The following ZFHX3 variants were observed in gnomAD, a reference collection of about 807,000 sequenced individuals.
ZFHX3 encodes the protein zinc finger homeobox protein 3.
A neutral mutation model predicts 279.1 loss-of-function variants in ZFHX3; 42 were observed. The observed-to-expected ratio is 0.15, with a 90% CI of 0.12 to 0.19. ZFHX3 has a LOEUF of 0.19. Among genes scored for constraint, ZFHX3 ranks in the 10% least tolerant of loss-of-function variants. The probability of loss-of-function intolerance (pLI) is 1.00; values close to 1 mark genes in which losing one functional copy is unlikely to be tolerated. For missense variants in ZFHX3, 4,981 were observed against 4,754.0 expected, an observed-to-expected ratio of 1.05 and a Z score of -1.40; for synonymous variants, 2,293 against 1,957.8, an observed-to-expected ratio of 1.17 and a Z score of -4.52.
intron 1 of ZFHX3, among the ~76,000 whole-genome samples, chr16:73,022,994 G>A (rs1410418995): frequency 4.6e-5 from 7 of 152,164 alleles, no homozygotes; most frequent in South Asian, 2.1e-4. Flanking sequence ...CTGGAAGGCC[G>A]AGGCGGGCAG....
At chr16:72,826,757 C>G (rs2036942526) in intron 5 of ZFHX3, among the ~76,000 whole-genome samples, 1 of 152,188 alleles carries the variant, frequency 6.6e-6, no homozygotes, top group Non-Finnish European at 1.5e-5. Flanking sequence ...ATCACTCATT[C>G]ATTCATTTTC....
chr16:73,637,230 CTTTTT>C (rs1215790905), intron 2 of ZFHX3, among the ~76,000 whole-genome samples: 2 of 121,694 alleles, frequency 1.6e-5, no homozygotes, highest in Non-Finnish European at 3.5e-5. Flanking sequence ...TTTTTTTGTT[CTTTTT>C]TTTTTTTTTT....
chr16:73,436,785 G>A (rs2018007385), intron 3 of ZFHX3, among the ~76,000 whole-genome samples: 1 of 151,582 alleles, frequency 6.6e-6, no homozygotes, highest in Non-Finnish European at 1.5e-5. Flanking sequence ...GGTGGGGTGG[G>A]GAATGGCTTC....
chr16:73,703,961 G>A (rs1017533137), intron 1 of ZFHX3, among the ~76,000 whole-genome samples: 5 of 152,198 alleles, frequency 3.3e-5, no homozygotes, highest in South Asian at 2.1e-4. Context: ...CTCTCATCAC[G>A]CCCACCTATA....
At chr16:73,245,426 C>T (rs1319359082) in intron 5 of ZFHX3, among the ~76,000 whole-genome samples, 2 of 152,166 alleles carry the variant, frequency 1.3e-5, no homozygotes, top group African/African-American at 2.4e-5. Context: ...TGAACCACTG[C>T]ATGGGGCCCA....
Position 72,795,094 on chromosome 16 carries a change from A to G in ZFHX3, c.7588T>C (p.Tyr2530His). The change falls in exon 9 of 10, where the codon TAC (tyrosine) becomes CAC (histidine). Residue 2530 changes from tyrosine (Y) to histidine (H), a missense_variant. Around this residue, in one of 7 missense-constraint regions of ZFHX3, gnomAD observed 744 missense variants for 701.3 expected, o/e 1.06. Coordinates refer to ENST00000268489, the MANE Select transcript of ZFHX3 (RefSeq NM_006885.4). ...GCCAACTTACACTGGTCACACTGGT[A>G]GGGGATTAGCTGAGGAGGTAGGTTT... Reference protein sequence around the residue: ...LANLPPQLIPYQCDQCKLAFP... With the variant: ...LANLPPQLIPHQCDQCKLAFP... The G allele has an allele frequency of 1.2e-6, 2 of 1,613,852 alleles. No homozygotes were observed. The highest frequency in any genetic ancestry group is 1.7e-6 in the Non-Finnish European group (2 of 1,179,988).
chr16:73,444,227 C>G (rs2018143431), intron 3 of ZFHX3, among the ~76,000 whole-genome samples: 1 of 152,206 alleles, frequency 6.6e-6, no homozygotes, highest in Non-Finnish European at 1.5e-5. Flanking sequence ...AGTGAACAAG[C>G]TGCTGTTCCC....
intron 2 of ZFHX3, among the ~76,000 whole-genome samples, chr16:73,588,010 G>C (rs1035055759): frequency 6.6e-6 from 1 of 152,208 alleles, no homozygotes; most frequent in African/African-American, 2.4e-5. Context: ...GGCCACAAAC[G>C]GTAAAGCAAA....
chr16:73,413,932 C>T (rs1369828054), intron 3 of ZFHX3, among the ~76,000 whole-genome samples: 1 of 152,148 alleles, frequency 6.6e-6, no homozygotes, highest in Non-Finnish European at 1.5e-5. Context: ...TTTAAGAAAA[C>T]AAAGATTCAA....
At chr16:73,005,961 C>T (rs1225389213) in intron 1 of ZFHX3, 3 of 152,154 alleles carry the variant, frequency 2.0e-5, no homozygotes, top group Non-Finnish European at 2.9e-5. Flanking sequence ...CAGTTTTTCC[C>T]AGTATATGAG....
chr16:72,986,741 C>T (rs1962863526), intron 1 of ZFHX3, among the ~76,000 whole-genome samples: 1 of 152,134 alleles, frequency 6.6e-6, no homozygotes, highest in Admixed American at 6.6e-5. Flanking sequence ...TCATGTTCTT[C>T]GGACCTCTTA....
chr16:73,225,741 A>C (rs1436093795), intron 5 of ZFHX3, among the ~76,000 whole-genome samples: 1 of 152,242 alleles, frequency 6.6e-6, no homozygotes. Context: ...TGTTCTGCAT[A>C]GTATCATCTG....
intron 2 of ZFHX3, among the ~76,000 whole-genome samples, chr16:73,511,734 G>A (rs1036755190): frequency 6.6e-5 from 10 of 152,108 alleles, no homozygotes; most frequent in Non-Finnish European, 1.2e-4. Flanking sequence ...GAGGGTAGAA[G>A]GGTGGCAAAG....
Position 73,630,104 on chromosome 16 carries a change from T to C in ZFHX3, c.-1547+50076A>G, listed in dbSNP as rs116145860. Among the ~76,000 whole-genome samples the C allele has an allele frequency of 7.3e-3, 1,108 of 151,920 alleles. 15 individuals are homozygous for C. Among genetic ancestry groups the C allele is most frequent in the African/African-American group, 0.025 (1,027 of 41,442 alleles). ...ACAGGTGTCATGATATTTCAGCACATTGAAAAAAAAAATTCCAGAGGTTTT... is the reference window on the plus strand; with the variant it reads ...ACAGGTGTCATGATATTTCAGCACACTGAAAAAAAAAATTCCAGAGGTTTT... On this transcript the variant is annotated intron_variant, in intron 2 of 17. Transcript: ENST00000641206.
At position 73,168,281 on chromosome 16, in the gene ZFHX3, A is replaced by ATTTCTTTCTTTCTTTCTTTCTT. The variant is rs1567408240; in HGVS notation, c.-1103-24451_-1103-24450insAAGAAAGAAAGAAAGAAAGAAA. ...TTTCTTTCTTTCTTTCTTTCTTTCGAGACAAAGTCTCACTCTGTCATCCAC... is the reference window on the plus strand; with the variant it reads ...TTTCTTTCTTTCTTTCTTTCTTTCGATTTCTTTCTTTCTTTCTTTCTTGACAAAGTCTCACTCTGTCATCCAC... On this transcript the variant is annotated intron_variant, in intron 5 of 17. Transcript: ENST00000641206. 1.0e-4 allele frequency among the ~76,000 whole-genome samples: 3 copies of ATTTCTTTCTTTCTTTCTTTCTT among 28,642 alleles called. 1 individual carries two copies. Among genetic ancestry groups the ATTTCTTTCTTTCTTTCTTTCTT allele is most frequent in the African/African-American group, 4.3e-4 (3 of 7,032 alleles). 18.8% of individuals were successfully genotyped at this position (28,642 alleles called of 152,430 possible). A position where few individuals can be genotyped will look rare whatever the true frequency, so the allele number is the denominator to read the frequency against.
In ZFHX3 at chr16:72,976,608, C is replaced by T. The variant is rs568829958; in HGVS notation, c.-49-16414G>A. 3.9e-5 allele frequency among the ~76,000 whole-genome samples: 6 copies of T among 152,298 alleles called. No individual in the cohort carries two copies. The East Asian group carries it at 5.8e-4, about 15-fold the overall frequency. On this transcript the variant is annotated intron_variant, in intron 1 of 9. Transcript: ENST00000268489. ...AACTGGAAGGCAGTGATCAGGACCC[C>T]GGTAGAAATGGACTCAGCACTCCAC... is the stretch of plus-strand genomic sequence containing the variant.
intron 1 of ZFHX3, among the ~76,000 whole-genome samples, chr16:73,699,283 C>T (rs974725313): frequency 6.6e-6 from 1 of 152,212 alleles, no homozygotes; most frequent in Non-Finnish European, 1.5e-5. Context: ...TGCTACGTTA[C>T]AACTTTTCTC....
chr16:72,868,494 A>T (rs2038078329), intron 4 of ZFHX3, among the ~76,000 whole-genome samples: 1 of 152,148 alleles, frequency 6.6e-6, no homozygotes, highest in Non-Finnish European at 1.5e-5. Context: ...TCCACTGGGG[A>T]GCCAGTCTTA....
At chr16:73,659,432 T>A (rs1027643539) in intron 2 of ZFHX3, among the ~76,000 whole-genome samples, 3 of 149,730 alleles carry the variant, frequency 2.0e-5, no homozygotes, top group Non-Finnish European at 4.4e-5. Flanking sequence ...CACGTACAAT[T>A]TGGCTCTGAG....
Sources: gnomAD v4.1 joint callset for allele counts (sites outside exome capture counted in the v4.1 genomes callset) on GRCh38, gnomAD v4.1.1 for gene constraint, gnomAD v4.1.1 regional missense constraint, MANE v1.5 for transcripts, NCBI Gene and HGNC (gene_info 2026-07-23, HGNC 2026-07-21) for gene names.